Variants in FAM117B observed in about 807,000 individuals in gnomAD.
The protein encoded by FAM117B is protein FAM117B.
In FAM117B, 22 loss-of-function variants were observed where a neutral mutation model predicts 52.8. The observed-to-expected ratio is 0.42, with a 90% CI of 0.30 to 0.59. The LOEUF is 0.59. FAM117B is among the 20% of genes least tolerant of loss of function. The pLI, the probability that FAM117B is intolerant of heterozygous loss-of-function variation, is 0.22. For missense variants in FAM117B, 678 were observed against 802.6 expected (o/e 0.84, Z 1.88); for synonymous variants, 309 against 324.1 (o/e 0.95, Z 0.50).
chr2:202,684,022 A>G (rs569973022), intron 1 of FAM117B, among the ~76,000 whole-genome samples: 1 of 152,108 alleles, frequency 6.6e-6, no homozygotes, highest in Non-Finnish European at 1.5e-5. Context: ...ACACGCTACC[A>G]CACCTGGTTA....
intron 1 of FAM117B, among the ~76,000 whole-genome samples, chr2:202,645,262 G>A (rs1689842074): frequency 6.9e-6 from 1 of 145,892 alleles, no homozygotes; most frequent in African/African-American, 2.5e-5. Flanking sequence ...CTCACGCCTG[G>A]CCTGTTTCTT....
At chr2:202,751,677 C>A (rs1334299004) in intron 4 of FAM117B, among the ~76,000 whole-genome samples, 14 of 147,510 alleles carry the variant, frequency 9.5e-5, no homozygotes, top group Non-Finnish European at 1.8e-4. Flanking sequence ...GAGGCTGAGG[C>A]ACAAGAATCA....
rs1267842606 is a variant in FAM117B, at chr2:202,635,000, G to A, written c.-188G>A. Among the ~76,000 whole-genome samples, 13,428 of 94,824 alleles carry A rather than the reference G, an allele frequency of 0.14. 2,004 individuals are homozygous for A. Among genetic ancestry groups the A allele is most frequent in the African/African-American group, 0.35 (12,549 of 35,560 alleles). 62.2% of individuals were successfully genotyped at this position (94,824 alleles called of 152,430 possible). ...GACACTATTGTTGATGAGGAGCGGC[G>A]GCGGCGGCGGCGGCGGCTGCACCAC... On this transcript the variant is annotated 5_prime_UTR_variant, in exon 1 of 8. Coordinates refer to ENST00000392238, the MANE Select transcript of FAM117B (RefSeq NM_173511.4).
At chr2:202,644,610 A>C (rs532550207) in intron 1 of FAM117B, among the ~76,000 whole-genome samples, 1 of 152,298 alleles carries the variant, frequency 6.6e-6, no homozygotes, top group East Asian at 1.9e-4. Flanking sequence ...ATTTTCCAAT[A>C]ATTTTTTGAG....
At chr2:202,742,993 G>A (rs1223275686) in intron 4 of FAM117B, among the ~76,000 whole-genome samples, 1 of 152,098 alleles carries the variant, frequency 6.6e-6, no homozygotes, top group African/African-American at 2.4e-5. Flanking sequence ...CACTGCTACT[G>A]CACTGCCAAC....
At chr2:202,741,231 T>G (rs145478189) in intron 4 of FAM117B, among the ~76,000 whole-genome samples, 1,970 of 151,598 alleles carry the variant, frequency 0.013, 38 homozygotes, top group African/African-American at 0.044. Context: ...ACCATCCTGG[T>G]CAACATGGTG....
intron 2 of FAM117B, among the ~76,000 whole-genome samples, chr2:202,712,860 T>G (rs1574565423): frequency 6.6e-6 from 1 of 152,370 alleles, no homozygotes; most frequent in Non-Finnish European, 1.5e-5. Flanking sequence ...TTGCATTTGT[T>G]GAACCATCCT....
At chr2:202,665,710 C>A (rs749026387) in intron 1 of FAM117B, among the ~76,000 whole-genome samples, 1 of 152,188 alleles carries the variant, frequency 6.6e-6, no homozygotes, top group Non-Finnish European at 1.5e-5. Flanking sequence ...AAGCAATTCT[C>A]CTGCCTCAGC....
Position 202,635,600 on chromosome 2 carries a change from C to A in FAM117B, c.413C>A (p.Pro138Gln). 7.8e-7 allele frequency: 1 copy of A among 1,281,612 alleles called. No homozygotes were observed. Among genetic ancestry groups the A allele is most frequent in the African/African-American group, 1.6e-5 (1 of 63,966 alleles). The allele number at this position is 1,281,612 out of a possible 1,614,324, so 79.4% of individuals were successfully genotyped here. A position where few individuals can be genotyped will look rare whatever the true frequency, so the allele number is the denominator to read the frequency against. ...GCGCCTGGAGCTCGCGGGAGCCCCC[C>A]ACGGCCGCCGCCGCCGCCGCCGCTG... Reference protein sequence around the residue: ...SAAPGARGSPPRPPPPPPLLG... With the variant: ...SAAPGARGSPQRPPPPPPLLG... The change falls in exon 1 of 8, where the codon CCA becomes CAA. Residue 138 changes from proline (P) to glutamine (Q), a missense_variant. Physicochemically the swap from Pro to Gln is moderately conservative, Grantham distance 76. Around this residue, in one of 3 missense-constraint regions of FAM117B, gnomAD observed 583 missense variants for 644.8 expected, o/e 0.90. Transcript: ENST00000392238.
chr2:202,686,836 A>C (rs924716100), intron 1 of FAM117B, among the ~76,000 whole-genome samples: 3 of 152,146 alleles, frequency 2.0e-5, no homozygotes, highest in African/African-American at 7.2e-5. Context: ...TAGATAACCA[A>C]ATTGTAGTAT....
chr2:202,660,331 A>G (rs1690111260), intron 1 of FAM117B, among the ~76,000 whole-genome samples: 1 of 151,958 alleles, frequency 6.6e-6, no homozygotes, highest in Non-Finnish European at 1.5e-5. Context: ...AGGCAATCAG[A>G]CTGGTTGGAT....
intron 4 of FAM117B, among the ~76,000 whole-genome samples, chr2:202,751,911 A>G (rs796169599): frequency 5.9e-5 from 9 of 152,238 alleles, no homozygotes; most frequent in African/African-American, 2.2e-4. Flanking sequence ...CACTTATAGA[A>G]CACCCAAACT....
chr2:202,744,894 T>C, intron 4 of FAM117B, among the ~76,000 whole-genome samples: 1 of 147,296 alleles, frequency 6.8e-6, no homozygotes, highest in East Asian at 2.0e-4. Context: ...AGAGAATCAC[T>C]TGAACCCGGG....
intron 1 of FAM117B, among the ~76,000 whole-genome samples, chr2:202,694,184 ACTT>A (rs990360561): frequency 5.5e-5 from 7 of 126,278 alleles, no homozygotes; most frequent in African/African-American, 2.6e-4. Flanking sequence ...TGCAAAACCC[ACTT>A]CTTTTTTTTT....
intron 2 of FAM117B, among the ~76,000 whole-genome samples, chr2:202,715,229 G>T (rs534714658): frequency 6.6e-6 from 1 of 151,592 alleles, no homozygotes; most frequent in African/African-American, 2.4e-5. Flanking sequence ...CCTCCCTCCC[G>T]GACGGGGCGG....
At chr2:202,672,989 G>A (rs896997972) in intron 1 of FAM117B, among the ~76,000 whole-genome samples, 2 of 152,114 alleles carry the variant, frequency 1.3e-5, no homozygotes, top group Admixed American at 6.5e-5. Flanking sequence ...TCGAGGCTAC[G>A]GTAAACTGCG....
chr2:202,739,296 T>C (rs1008864102), intron 4 of FAM117B, among the ~76,000 whole-genome samples: 2 of 152,236 alleles, frequency 1.3e-5, no homozygotes, highest in African/African-American at 4.8e-5. Flanking sequence ...AGCATCATTT[T>C]TAATGGTCCT....
intron 4 of FAM117B, among the ~76,000 whole-genome samples, chr2:202,728,684 G>T (rs1449395541): frequency 6.6e-6 from 1 of 152,074 alleles, no homozygotes; most frequent in Non-Finnish European, 1.5e-5. Flanking sequence ...GAATTAAGTG[G>T]CTAGTTTTAG....
At chr2:202,643,554 C>T (rs1689799743) in intron 1 of FAM117B, among the ~76,000 whole-genome samples, 2 of 152,102 alleles carry the variant, frequency 1.3e-5, no homozygotes, top group South Asian at 2.1e-4. Context: ...TTTTAAACTA[C>T]GTGTGCATAA....
Sources: allele counts gnomAD v4.1 joint callset (sites outside exome capture counted in the v4.1 genomes callset), GRCh38; gene constraint gnomAD v4.1.1; regional missense constraint gnomAD v4.1.1; transcripts MANE v1.5; gene names NCBI Gene and HGNC (gene_info 2026-07-23, HGNC 2026-07-21).